The following DSE variants were observed in gnomAD, a reference collection of about 807,000 sequenced individuals.
DSE encodes the protein dermatan-sulfate epimerase.
Under a neutral mutation model 84.4 loss-of-function variants are expected in DSE, and 36 were observed. The ratio of observed to expected loss-of-function variants is 0.43; its 90% confidence interval spans 0.33 to 0.56. DSE has a LOEUF of 0.56. Ranked by LOEUF, DSE falls within the 20% of genes least tolerant of loss-of-function variation. The pLI is 0.06. For synonymous variants in DSE, 410 were observed against 430.1 expected (o/e 0.95, Z 0.58); for missense variants, 862 against 1,169.6 (o/e 0.74, Z 3.84).
At chr6:116,308,810 T>TG (rs1424464783) in intron 2 of DSE, among the ~76,000 whole-genome samples, 1 of 152,132 alleles carries the variant, frequency 6.6e-6, no homozygotes, top group Non-Finnish European at 1.5e-5. Flanking sequence ...CCCAAGTAGC[T>TG]GGGACTACAG....
chr6:116,320,893 T>C (rs1230861278), intron 2 of DSE, among the ~76,000 whole-genome samples: 1 of 152,188 alleles, frequency 6.6e-6, no homozygotes, highest in African/African-American at 2.4e-5. Flanking sequence ...GCTTAGCATT[T>C]CAATATATGT....
intron 2 of DSE, among the ~76,000 whole-genome samples, chr6:116,328,622 G>A (rs141800899): frequency 9.9e-5 from 15 of 152,248 alleles, no homozygotes; most frequent in South Asian, 2.1e-4. Flanking sequence ...AAAAAATGAC[G>A]CACATTGTAA....
rs562207333 is a variant in DSE, at chr6:116,437,137, A to G, written c.2669A>G (p.His890Arg). 2 of 1,614,136 alleles carry G rather than the reference A, an allele frequency of 1.2e-6. No homozygotes were observed. Among genetic ancestry groups the G allele is most frequent in the South Asian group, 1.1e-5 (1 of 91,086 alleles). ...CAGGCACGGATGGTGACAACTACACACAGCAGGGCCCCATCACTGTCTGCT... is the reference window on the plus strand; with the variant it reads ...CAGGCACGGATGGTGACAACTACACGCAGCAGGGCCCCATCACTGTCTGCT... ...FGQARMVTTTHSRAPSLSASY... is the reference protein window; with the variant it reads ...FGQARMVTTTRSRAPSLSASY... Residue 890 changes from histidine (H) to arginine (R), a missense_variant, in exon 6 of 6, where the codon CAC becomes CGC. Around this residue, in one of 4 missense-constraint regions of DSE, gnomAD observed 315 missense variants for 348.1 expected, o/e 0.90. Coordinates refer to ENST00000644252, the MANE Select transcript of DSE (RefSeq NM_013352.4).
intron 1 of DSE, among the ~76,000 whole-genome samples, chr6:116,394,751 A>G (rs1357129013): frequency 6.6e-6 from 1 of 152,186 alleles, no homozygotes; most frequent in African/African-American, 2.4e-5. Flanking sequence ...AGACAAATGA[A>G]TGGGAAGAAA....
Position 116,439,428 on chromosome 6 carries a change from G to A in DSE, c.*2083G>A, listed in dbSNP as rs1471064300. 9.5e-6 allele frequency: 1 copy of A among 105,142 alleles called. No homozygotes were observed. The highest frequency in any genetic ancestry group is 2.2e-5 in the Non-Finnish European group (1 of 45,514). The allele number at this position is 105,142 out of a possible 1,614,324, so 6.5% of individuals were successfully genotyped here. On this transcript the variant is annotated 3_prime_UTR_variant, in exon 6 of 6. Transcript: ENST00000644252. The stretch of plus-strand genomic sequence containing the variant: ...TTAAAACAAAATGAATTAAAATTAT[G>A]TGTTTTTTTTTTTTCTTCTAATGAA...
At chr6:116,255,719 C>A (rs1772114630) in intron 1 of DSE, 1 of 152,274 alleles carries the variant, frequency 6.6e-6, no homozygotes, top group East Asian at 1.9e-4. Flanking sequence ...TCCAAAGAAC[C>A]TTTGCACTGT....
chr6:116,327,453 C>T (rs968747858), intron 2 of DSE, among the ~76,000 whole-genome samples: 2 of 152,132 alleles, frequency 1.3e-5, no homozygotes. Context: ...TAACTTTAAC[C>T]CTCAACTGCC....
At chr6:116,430,612 G>A (rs754304747) in intron 3 of DSE, among the ~76,000 whole-genome samples, 3 of 151,656 alleles carry the variant, frequency 2.0e-5, no homozygotes, top group African/African-American at 4.8e-5. Flanking sequence ...CGCGATCTCC[G>A]CTCACTGCAA....
intron 1 of DSE, among the ~76,000 whole-genome samples, chr6:116,389,838 A>G (rs1038159001): frequency 1.3e-5 from 2 of 152,148 alleles, no homozygotes; most frequent in African/African-American, 4.8e-5. Flanking sequence ...TTTTAAAAAT[A>G]TATTGCAAAT....
intron 2 of DSE, among the ~76,000 whole-genome samples, chr6:116,351,354 T>C (rs1405366335): frequency 6.6e-6 from 1 of 152,172 alleles, no homozygotes; most frequent in African/African-American, 2.4e-5. Context: ...AGGGTCTGTT[T>C]TGAGTATAGT....
chr6:116,385,467 A>C (rs888806992), intron 1 of DSE, among the ~76,000 whole-genome samples: 1 of 151,272 alleles, frequency 6.6e-6, no homozygotes, highest in African/African-American at 2.4e-5. Flanking sequence ...ACGGATTTGG[A>C]GTAGAGCCAA....
intron 2 of DSE, among the ~76,000 whole-genome samples, chr6:116,329,533 T>C (rs1345060809): frequency 6.6e-6 from 1 of 152,246 alleles, no homozygotes; most frequent in Non-Finnish European, 1.5e-5. Context: ...CTGGAATTTA[T>C]TGTGAAATGG....
chr6:116,355,844 T>C (rs1778538329), intron 2 of DSE: 1 of 152,238 alleles, frequency 6.6e-6, no homozygotes, highest in Non-Finnish European at 1.5e-5. Flanking sequence ...TTGTTTTACA[T>C]TTGCTCATTG....
intron 2 of DSE, chr6:116,423,074 C>CCTTTA (rs1410108517): frequency 6.6e-6 from 1 of 152,104 alleles, no homozygotes; most frequent in Non-Finnish European, 1.5e-5. Context: ...TGTAGGTTGC[C>CCTTTA]CTTTACTTTA....
At chr6:116,308,950 G>A (rs1176037730) in intron 2 of DSE, among the ~76,000 whole-genome samples, 1 of 152,084 alleles carries the variant, frequency 6.6e-6, no homozygotes, top group Non-Finnish European at 1.5e-5. Flanking sequence ...CGTGCCTTGA[G>A]CATAATAGAT....
chr6:116,440,500 C>T lies in DSE; in HGVS notation c.*3155C>T, dbSNP rs929746627. 6.6e-6 allele frequency: 1 copy of T among 152,062 alleles called. No individual in the cohort carries two copies. The highest frequency in any genetic ancestry group is 2.4e-5 in the African/African-American group (1 of 41,402). The allele number at this position is 152,062 out of a possible 1,614,324, so 9.4% of individuals were successfully genotyped here. Reference sequence around the variant, plus strand: ...TTTTTGATAGTTCACAAACCACTCACAAAAGAATCTGAAATTTCTCCAAGT... The same window carrying T: ...TTTTTGATAGTTCACAAACCACTCATAAAAGAATCTGAAATTTCTCCAAGT... On this transcript the variant is annotated 3_prime_UTR_variant, in exon 6 of 6. Transcript: ENST00000644252.
intron 1 of DSE, among the ~76,000 whole-genome samples, chr6:116,381,977 T>C (rs189636584): frequency 6.6e-4 from 100 of 152,192 alleles, no homozygotes; most frequent in African/African-American, 2.1e-3. Context: ...TACCAATCTT[T>C]GGCATGCTCA....
At chr6:116,402,152 T>C (rs1781638071) in intron 2 of DSE, among the ~76,000 whole-genome samples, 1 of 152,206 alleles carries the variant, frequency 6.6e-6, no homozygotes, top group Non-Finnish European at 1.5e-5. Flanking sequence ...TTTTTACCTA[T>C]GGCAAAGGGT....
intron 2 of DSE, among the ~76,000 whole-genome samples, chr6:116,402,379 T>TA (rs1781650377): frequency 1.3e-5 from 2 of 152,212 alleles, no homozygotes; most frequent in African/African-American, 4.8e-5. Flanking sequence ...TTTTCTTAAT[T>TA]AACTTTCCAG....
Sources: gnomAD v4.1 joint callset for allele counts (sites outside exome capture counted in the v4.1 genomes callset) on GRCh38, gnomAD v4.1.1 for gene constraint, gnomAD v4.1.1 regional missense constraint, MANE v1.5 for transcripts, NCBI Gene and HGNC (gene_info 2026-07-23, HGNC 2026-07-21) for gene names.